Variants in SIRPA observed in about 807,000 individuals in gnomAD.
The protein encoded by SIRPA is tyrosine-protein phosphatase non-receptor type substrate 1.
SIRPA carries 9 observed loss-of-function variants against 50.3 expected under a neutral mutation model. The observed-to-expected ratio is 0.18, with a 90% CI of 0.11 to 0.31. The LOEUF (loss-of-function observed/expected upper bound fraction) is 0.31, where lower values mean the gene tolerates loss of function less well. Ranked by LOEUF, SIRPA falls within the 10% of genes least tolerant of loss-of-function variation. The pLI, the probability that SIRPA is intolerant of heterozygous loss-of-function variation, is 1.00. For synonymous variants in SIRPA, 265 were observed against 284.1 expected, an observed-to-expected ratio of 0.93 and a Z score of 0.68; for missense variants, 474 against 661.6, an observed-to-expected ratio of 0.72 and a Z score of 3.11.
In SIRPA at chr20:1,937,091, G is replaced by A. The variant is rs1049190533; in HGVS notation, c.1267-229G>A. ...CGGGGCTGTGAGGAGACTGCACTGT[G>A]CGGGTCAGAAAGACCCTTCAGGCAG... On this transcript the variant is annotated intron_variant, in intron 7 of 7. Transcript: ENST00000358771. This position sits in a 1 kb window ranked among gnomAD's most constrained non-coding sequence, Gnocchi z 8.3. Among the ~76,000 whole-genome samples, 3 of 152,124 alleles carry A rather than the reference G, an allele frequency of 2.0e-5. No individual in the cohort carries two copies. The highest frequency in any genetic ancestry group is 7.2e-5 in the African/African-American group (3 of 41,432).
rs759260863 is a variant in SIRPA, at chr20:1,921,507, A to G, written c.549A>G (p.Lys183=). ...TCTCACCCAGAGACATCACCCTGAA[A>G]TGGTTCAAAAATGGGAATGAGCTCT... The part of the protein sequence containing the change: ...HGFSPRDITL[K]WFKNGNELSD... Residue 183 remains lysine (K), a synonymous_variant, in exon 3 of 8, where the codon AAA becomes AAG. Coordinates refer to ENST00000358771, the MANE Select transcript of SIRPA (RefSeq NM_001040023.2). 5.6e-6 allele frequency: 9 copies of G among 1,614,018 alleles called. No individual in the cohort carries two copies. The highest frequency in any genetic ancestry group is 5.1e-6 in the Non-Finnish European group (6 of 1,179,934).
Position 1,909,150 on chromosome 20 carries a change from C to G in SIRPA, c.80-5949C>G, listed in dbSNP as rs117101551. Among the ~76,000 whole-genome samples, 1,347 of 152,334 alleles carry G rather than the reference C, an allele frequency of 8.8e-3. 12 individuals are homozygous for G. The highest frequency in any genetic ancestry group is 0.014 in the Non-Finnish European group (933 of 68,034). On this transcript the variant is annotated intron_variant, in intron 1 of 7. Transcript: ENST00000358771. ...CTGCAGCCACTTTAGAATGTTGAGCCCTGTGTACTGCCAGAGCTCCAGCCA... is the reference window on the plus strand; with the variant it reads ...CTGCAGCCACTTTAGAATGTTGAGCGCTGTGTACTGCCAGAGCTCCAGCCA...
At chr20:1,899,205 T>TAA (rs750144272) in intron 1 of SIRPA, among the ~76,000 whole-genome samples, 27 of 141,656 alleles carry the variant, frequency 1.9e-4, no homozygotes, top group Non-Finnish European at 3.4e-4. Flanking sequence ...AAGTTTTCTT[T>TAA]AAAAAAAAAA....
rs767868138 is a variant in SIRPA at position 1,927,898 on chromosome 20, A to C, written c.1225A>C (p.Arg409=). The C allele has an allele frequency of 1.2e-6, 2 of 1,613,732 alleles. No individual in the cohort carries two copies. The highest frequency in any genetic ancestry group is 1.7e-6 in the Non-Finnish European group (2 of 1,179,620). ...KKAQGSTSST[R]LHEPEKNARE... is the part of the protein sequence containing the mutation. ...AGCCCAGGGCTCCACTTCTTCTACAAGGTAAGTGCATCATTGGTCCAGACC... is the reference window on the plus strand; with the variant it reads ...AGCCCAGGGCTCCACTTCTTCTACACGGTAAGTGCATCATTGGTCCAGACC... Residue 409 remains arginine, a splice_region_variant and synonymous_variant, in exon 6 of 8, where the codon AGG becomes CGG. Transcript: ENST00000358771. This position sits in a 1 kb window ranked among gnomAD's most constrained non-coding sequence, Gnocchi z 6.5.
At chr20:1,922,206 C>T in intron 3 of SIRPA, 107 bp from the exon 4 acceptor site, 2 of 1,403,954 alleles carry the variant, frequency 1.4e-6, no homozygotes, top group African/African-American at 2.8e-5. Context: ...GCCTGCCTAG[C>T]TCTGTCCTGG....
chr20:1,934,788 A>AC lies in SIRPA; in HGVS notation c.1266+35dup. On this transcript the variant is annotated intron_variant, in intron 7 of 7. Transcript: ENST00000358771. The surrounding 1 kb of genome is among the most constrained non-coding windows in gnomAD (Gnocchi z 4.6). ...CTTGGTGAGATGCCCTTCCTGGGAAACTCCGTGGCGTGGTTGCTTCACATC... is the reference window on the plus strand; with the variant it reads ...CTTGGTGAGATGCCCTTCCTGGGAAACCTCCGTGGCGTGGTTGCTTCACATC... The AC allele has an allele frequency of 6.2e-7, 1 of 1,612,436 alleles. No individual in the cohort carries two copies. Among genetic ancestry groups the AC allele is most frequent in the Non-Finnish European group, 8.5e-7 (1 of 1,178,896 alleles).
At position 1,938,251 on chromosome 20, in the gene SIRPA, C is replaced by T. The variant is rs1986709892; in HGVS notation, c.*683C>T. ...TCTGCTTCCTTGGGTCCCTCCAAGA[C>T]TCCCTGGGGCCCAACTGTGTTGCTC... On this transcript the variant is annotated 3_prime_UTR_variant, in exon 8 of 8. Coordinates refer to ENST00000358771, the MANE Select transcript of SIRPA (RefSeq NM_001040023.2). 1 of 153,032 alleles carries T rather than the reference C, an allele frequency of 6.5e-6. No individual in the cohort carries two copies. Among genetic ancestry groups the T allele is most frequent in the Admixed American group, 6.5e-5 (1 of 15,306 alleles). 9.5% of individuals were successfully genotyped at this position (153,032 alleles called of 1,614,324 possible).
chr20:1,895,510 G>A lies in SIRPA; in HGVS notation c.63G>A (p.Ala21=). The A allele has an allele frequency of 6.8e-7, 1 of 1,460,020 alleles. No individual in the cohort carries two copies. Among genetic ancestry groups the A allele is most frequent in the Non-Finnish European group, 9.0e-7 (1 of 1,108,618 alleles). The allele number at this position is 1,460,020 out of a possible 1,614,324, so 90.4% of individuals were successfully genotyped here. A position where few individuals can be genotyped will look rare whatever the true frequency, so the allele number is the denominator to read the frequency against. ...CGCTGCTCTGCCTGCTGCTCGCCGC[G>A]TCCTGCGCCTGGTCAGGTAAGCACC... ...LGPLLCLLLA[A]SCAWSGVAGE... The change falls in exon 1 of 8, where the codon GCG becomes GCA. Residue 21 remains alanine, a synonymous_variant. Coordinates refer to ENST00000358771, the MANE Select transcript of SIRPA (RefSeq NM_001040023.2).
intron 2 of SIRPA, among the ~76,000 whole-genome samples, chr20:1,917,121 A>G (rs1173188173): frequency 6.6e-6 from 1 of 152,142 alleles, no homozygotes; most frequent in African/African-American, 2.4e-5. Context: ...AGCCTAAATG[A>G]TGCCCTGGAT....
rs776749668 is a variant in SIRPA at position 1,904,415 on chromosome 20, G to C, written c.79+8889G>C. 2.3e-4 allele frequency among the ~76,000 whole-genome samples: 35 copies of C among 152,322 alleles called. No homozygotes were observed. In the Middle Eastern group the frequency reaches 0.01, roughly 44 times the overall value. ...CCTCGAGGTTAGCCTCCCCCAGAGG[G>C]TCACTGCACGAGGCAGTCTGGTGCG... On this transcript the variant is annotated intron_variant, in intron 1 of 7. Transcript: ENST00000358771.
chr20:1,924,406 G>C lies in SIRPA; in HGVS notation c.1088-358G>C, dbSNP rs1475565044. Among the ~76,000 whole-genome samples, 2 of 152,196 alleles carry C rather than the reference G, an allele frequency of 1.3e-5. No individual in the cohort carries two copies. Among genetic ancestry groups the C allele is most frequent in the African/African-American group, 4.8e-5 (2 of 41,446 alleles). ...CTTCCAGCTGCTGATTCAGTTTCCA[G>C]TGGATCTGGGGTGCCCTCATGACCG... On this transcript the variant is annotated intron_variant, in intron 4 of 7. Coordinates refer to ENST00000358771, the MANE Select transcript of SIRPA (RefSeq NM_001040023.2). The surrounding 1 kb of genome is among the most constrained non-coding windows in gnomAD (Gnocchi z 4.5).
At position 1,906,499 on chromosome 20, in the gene SIRPA, C is replaced by G. The variant is rs149062335; in HGVS notation, c.80-8600C>G. Among the ~76,000 whole-genome samples the G allele has an allele frequency of 8.5e-5, 13 of 152,124 alleles. No homozygotes were observed. In the South Asian group the frequency reaches 1.5e-3, roughly 17 times the overall value. On this transcript the variant is annotated intron_variant, in intron 1 of 7. Transcript: ENST00000358771. ...CTCAGATAGGCCTGAAGGAGAGGAG[C>G]GAGCCAGACATGTAGATATTTAGGG...
chr20:1,925,111 C>T (rs980785516), intron 5 of SIRPA, among the ~76,000 whole-genome samples: 3 of 152,132 alleles, frequency 2.0e-5, no homozygotes, highest in Non-Finnish European at 4.4e-5. Flanking sequence ...GCCCCGTGTC[C>T]TCAAGGGGCC....
intron 6 of SIRPA, among the ~76,000 whole-genome samples, chr20:1,931,664 T>C (rs2267916): frequency 0.58 from 88,543 of 151,892 alleles, 28,816 homozygotes; most frequent in African/African-American, 0.87. Flanking sequence ...GAGTAACAGC[T>C]GAGCACCTCA....
rs1214001811 is a variant in SIRPA, at chr20:1,898,846, A to G, written c.79+3320A>G. On this transcript the variant is annotated intron_variant, in intron 1 of 7. Coordinates refer to ENST00000358771, the MANE Select transcript of SIRPA (RefSeq NM_001040023.2). The surrounding 1 kb of genome is among the most constrained non-coding windows in gnomAD (Gnocchi z 4.3). The stretch of plus-strand genomic sequence containing the variant: ...GACAGCCCCTTGGTCCTCACCAGTA[A>G]CAACACATGAGAGGTGATGTGGCTC... Among the ~76,000 whole-genome samples, 1 of 152,094 alleles carries G rather than the reference A, an allele frequency of 6.6e-6. No individual in the cohort carries two copies. The highest frequency in any genetic ancestry group is 1.5e-5 in the Non-Finnish European group (1 of 68,028).
In SIRPA at chr20:1,937,672, G is replaced by A. The variant is rs112445687; in HGVS notation, c.*104G>A. 75 of 1,476,530 alleles carry A rather than the reference G, an allele frequency of 5.1e-5. No individual in the cohort carries two copies. Among genetic ancestry groups the A allele is most frequent in the African/African-American group, 4.0e-4 (29 of 71,802 alleles). The allele number at this position is 1,476,530 out of a possible 1,614,324, so 91.5% of individuals were successfully genotyped here. ...AACCCAGTTCCCGGAGGGCTGGGGCGGTGCAGGCTCTGGGACCCAGGGGCC... is the reference window on the plus strand; with the variant it reads ...AACCCAGTTCCCGGAGGGCTGGGGCAGTGCAGGCTCTGGGACCCAGGGGCC... On this transcript the variant is annotated 3_prime_UTR_variant, in exon 8 of 8. Transcript: ENST00000358771. The surrounding 1 kb of genome is among the most constrained non-coding windows in gnomAD (Gnocchi z 8.3).
Position 1,921,665 on chromosome 20 carries a change from A to C in SIRPA, c.707A>C (p.Gln236Pro). 1 of 1,614,184 alleles carries C rather than the reference A, an allele frequency of 6.2e-7. No homozygotes were observed. The highest frequency in any genetic ancestry group is 8.5e-7 in the Non-Finnish European group (1 of 1,180,012). ...VICEVAHVTL[Q>P]GDPLRGTANL... ...TGCGAGGTGGCCCACGTCACCTTGCAGGGGGACCCTCTTCGTGGGACTGCC... is the reference window on the plus strand; with the variant it reads ...TGCGAGGTGGCCCACGTCACCTTGCCGGGGGACCCTCTTCGTGGGACTGCC... The change falls in exon 3 of 8, where the codon CAG (glutamine) becomes CCG (proline). Residue 236 changes from glutamine to proline, a missense_variant. Physicochemically the swap from Gln to Pro is moderately conservative, Grantham distance 76 (BLOSUM62 -1). Transcript: ENST00000358771.
At chr20:1,899,020 G>T (rs769979314) in intron 1 of SIRPA, among the ~76,000 whole-genome samples, 1 of 151,938 alleles carries the variant, frequency 6.6e-6, no homozygotes, top group Non-Finnish European at 1.5e-5. Flanking sequence ...GATCCCACAC[G>T]CGCTCGCTTG....
At chr20:1,895,631 G>A (rs1233682657) in intron 1 of SIRPA, 105 bp downstream of exon 1, 2 of 859,846 alleles carry the variant, frequency 2.3e-6, no homozygotes, top group Non-Finnish European at 3.2e-6. Context: ...AGTAATAGGG[G>A]GAGAGACGCC....
Sources: allele counts gnomAD v4.1 joint callset (sites outside exome capture counted in the v4.1 genomes callset), GRCh38; gene constraint gnomAD v4.1.1; non-coding constraint Gnocchi (gnomAD v3.1); transcripts MANE v1.5; gene names NCBI Gene and HGNC (gene_info 2026-07-23, HGNC 2026-07-21).